EPHB1: variants seen among roughly 807,000 people sequenced by gnomAD.
EPHB1 encodes the protein ephrin type-B receptor 1.
In EPHB1, 30 loss-of-function variants were observed where a neutral mutation model predicts 94.4. The ratio of observed to expected loss-of-function variants is 0.32; its 90% CI spans 0.24 to 0.43. EPHB1 has a LOEUF of 0.43. Among genes scored for constraint, EPHB1 ranks in the 20% least tolerant of loss-of-function variants. EPHB1 has a pLI of 1.00. For synonymous variants in EPHB1, 522 were observed against 489.1 expected, an observed-to-expected ratio of 1.07 and a Z score of -0.89; for missense variants, 1,055 against 1,308.3, an observed-to-expected ratio of 0.81 and a Z score of 2.99.
intron 1 of EPHB1, among the ~76,000 whole-genome samples, chr3:134,796,614 G>A (rs963915046): frequency 6.6e-6 from 1 of 152,226 alleles, no homozygotes; most frequent in African/African-American, 2.4e-5. Context: ...GGAAATCCCG[G>A]CCCAGCTCCC....
At chr3:135,188,583 C>A (rs1942389157) in intron 10 of EPHB1, among the ~76,000 whole-genome samples, 1 of 152,214 alleles carries the variant, frequency 6.6e-6, no homozygotes, top group Non-Finnish European at 1.5e-5. Flanking sequence ...AGACTTCTCT[C>A]AACACACTGT....
chr3:135,044,897 T>C (rs1576341917), intron 3 of EPHB1, among the ~76,000 whole-genome samples: 1 of 152,178 alleles, frequency 6.6e-6, no homozygotes, highest in Non-Finnish European at 1.5e-5. Flanking sequence ...TCCATAGTTT[T>C]ACCTTTTGTA....
In EPHB1 at chr3:135,241,219, C is replaced by T. The variant is rs770876558; in HGVS notation, c.2418C>T (p.Asp806=). Residue 806 remains aspartate (D), a synonymous_variant, in exon 13 of 16, where the codon GAC becomes GAT. Transcript: ENST00000398015. The stretch of plus-strand genomic sequence containing the variant: ...ACCGCAAGTTCACTTCAGCCAGCGA[C>T]GTTTGGAGCTATGGGATCGTCATGT... ...IAYRKFTSAS[D]VWSYGIVMWE... The T allele has an allele frequency of 4.2e-5, 67 of 1,614,020 alleles. No individual in the cohort carries two copies. Among genetic ancestry groups the T allele is most frequent in the East Asian group, 6.7e-5 (3 of 44,874 alleles).
chr3:134,964,021 G>A (rs1201329274), intron 3 of EPHB1, among the ~76,000 whole-genome samples: 1 of 151,998 alleles, frequency 6.6e-6, no homozygotes, highest in Non-Finnish European at 1.5e-5. Flanking sequence ...TACTCCCTAA[G>A]CTCCTCAGGG....
chr3:135,192,615 C>T lies in EPHB1; in HGVS notation c.1922C>T (p.Pro641Leu). Residue 641 changes from proline (P) to leucine (L), a missense_variant, in exon 11 of 16, where the codon CCA (proline) becomes CTA (leucine). Physicochemically the swap from Pro to Leu is moderately conservative, Grantham distance 98 (BLOSUM62 -3). Coordinates refer to ENST00000398015, the MANE Select transcript of EPHB1 (RefSeq NM_004441.5). The part of the protein sequence containing the change: ...GEVYKGRLKL[P>L]GKREIYVAIK... ...GTGTACAAGGGGCGTTTGAAACTGC[C>T]AGGCAAGAGGGAAATCTACGTGGCC... 6.2e-6 allele frequency: 10 copies of T among 1,613,962 alleles called. No homozygotes were observed. The highest frequency in any genetic ancestry group is 8.5e-6 in the Non-Finnish European group (10 of 1,179,924).
intron 12 of EPHB1, among the ~76,000 whole-genome samples, chr3:135,209,136 A>G (rs1374015102): frequency 6.6e-6 from 1 of 152,246 alleles, no homozygotes; most frequent in East Asian, 1.9e-4. Context: ...ATATAAATGA[A>G]CAAATAGAAA....
chr3:135,217,858 A>G (rs184923487), intron 12 of EPHB1, among the ~76,000 whole-genome samples: 1 of 152,192 alleles, frequency 6.6e-6, no homozygotes, highest in Non-Finnish European at 1.5e-5. Context: ...GTTGCTTCTC[A>G]GTCGGGTCGA....
intron 4 of EPHB1, among the ~76,000 whole-genome samples, chr3:135,111,340 C>T (rs1034140184): frequency 6.6e-6 from 1 of 152,218 alleles, no homozygotes. Context: ...TTAACAAGCC[C>T]TGCAAGTAAC....
intron 3 of EPHB1, among the ~76,000 whole-genome samples, chr3:135,069,679 C>A (rs1937640103): frequency 6.6e-6 from 1 of 152,114 alleles, no homozygotes; most frequent in Non-Finnish European, 1.5e-5. Flanking sequence ...AGATCTGGAT[C>A]CCCTTGCTAG....
intron 3 of EPHB1, among the ~76,000 whole-genome samples, chr3:135,081,703 G>T (rs1278167742): frequency 2.0e-5 from 3 of 152,118 alleles, no homozygotes; most frequent in Non-Finnish European, 4.4e-5. Flanking sequence ...GGGAAATATG[G>T]CTTACATGTT....
intron 4 of EPHB1, among the ~76,000 whole-genome samples, chr3:135,108,565 A>G (rs780681209): frequency 6.6e-6 from 1 of 152,172 alleles, no homozygotes; most frequent in Non-Finnish European, 1.5e-5. Flanking sequence ...TGGACTGCAC[A>G]GGGATGCAGG....
chr3:134,951,261 G>A lies in EPHB1; in HGVS notation c.124-110G>A. ...TCAAGTCAATCTGCTGGACTGGTGAGCTCTTAAGGCCCCTTAGCCCCAGGA... is the reference window on the plus strand; with the variant it reads ...TCAAGTCAATCTGCTGGACTGGTGAACTCTTAAGGCCCCTTAGCCCCAGGA... On this transcript the variant is annotated intron_variant, in intron 2 of 15. Coordinates refer to ENST00000398015, the MANE Select transcript of EPHB1 (RefSeq NM_004441.5). This position sits in a 1 kb window ranked among gnomAD's most constrained non-coding sequence, Gnocchi z 4.5. 2 of 898,844 alleles carry A rather than the reference G, an allele frequency of 2.2e-6. No individual in the cohort carries two copies. The highest frequency in any genetic ancestry group is 1.7e-5 in the African/African-American group (1 of 59,614). 55.7% of individuals were successfully genotyped at this position (898,844 alleles called of 1,614,324 possible). A position where few individuals can be genotyped will look rare whatever the true frequency, so the allele number is the denominator to read the frequency against.
At chr3:135,006,640 G>A (rs1935427056) in intron 3 of EPHB1, among the ~76,000 whole-genome samples, 1 of 152,166 alleles carries the variant, frequency 6.6e-6, no homozygotes, top group Non-Finnish European at 1.5e-5. Flanking sequence ...GTGCAGTCTG[G>A]GCAACATAGT....
At chr3:134,841,929 G>C (rs1455029680) in intron 1 of EPHB1, among the ~76,000 whole-genome samples, 1 of 152,136 alleles carries the variant, frequency 6.6e-6, no homozygotes, top group Non-Finnish European at 1.5e-5. Context: ...GAGTTTGAGA[G>C]CTGGGGAAAG....
intron 12 of EPHB1, among the ~76,000 whole-genome samples, chr3:135,217,703 A>G (rs1294485251): frequency 1.3e-5 from 2 of 152,170 alleles, no homozygotes; most frequent in Non-Finnish European, 2.9e-5. Flanking sequence ...TTTGACTGCA[A>G]CAGTACTCTG....
At chr3:134,809,427 G>A (rs921051722) in intron 1 of EPHB1, among the ~76,000 whole-genome samples, 2 of 151,506 alleles carry the variant, frequency 1.3e-5, no homozygotes, top group African/African-American at 4.9e-5. Context: ...ATGAAAACCC[G>A]TGGCTTTCTT....
intron 3 of EPHB1, among the ~76,000 whole-genome samples, chr3:135,062,012 G>A (rs1937518425): frequency 6.6e-6 from 1 of 152,164 alleles, no homozygotes; most frequent in South Asian, 2.1e-4. Context: ...GGACATTTGG[G>A]TTGGTTCCAA....
chr3:135,235,529 T>C (rs1943630663), intron 12 of EPHB1, among the ~76,000 whole-genome samples: 2 of 152,088 alleles, frequency 1.3e-5, no homozygotes, highest in Admixed American at 1.3e-4. Flanking sequence ...ACCTGAAGCA[T>C]CACCAAAAAC....
intron 1 of EPHB1, among the ~76,000 whole-genome samples, chr3:134,809,688 C>T (rs990827506): frequency 6.6e-6 from 1 of 152,182 alleles, no homozygotes; most frequent in East Asian, 1.9e-4. Context: ...AGACATGAAG[C>T]ACATTTACTA....
Sources: gnomAD v4.1 joint callset for allele counts (sites outside exome capture counted in the v4.1 genomes callset) on GRCh38, gnomAD v4.1.1 for gene constraint, Gnocchi (gnomAD v3.1) non-coding constraint, MANE v1.5 for transcripts, NCBI Gene and HGNC (gene_info 2026-07-23, HGNC 2026-07-21) for gene names.